PCDH15: variants seen among roughly 807,000 people sequenced by gnomAD.
The protein encoded by PCDH15 is protocadherin-15.
In PCDH15, 129 loss-of-function variants were observed where a neutral mutation model predicts 178.5. The observed-to-expected ratio is 0.72, with a 90% confidence interval of 0.63 to 0.84. The LOEUF (loss-of-function observed/expected upper bound fraction) is 0.84. Among genes scored for constraint, PCDH15 ranks in the 40% least tolerant of loss-of-function variants. PCDH15 has a pLI of 0.00. For missense variants in PCDH15, 2,230 were observed against 2,099.9 expected, an observed-to-expected ratio of 1.06 and a Z score of -1.21; for synonymous variants, 800 against 732.0, an observed-to-expected ratio of 1.09 and a Z score of -1.50.
At chr10:54,796,226 CT>C (rs1269594376) in intron 1 of PCDH15, among the ~76,000 whole-genome samples, 1 of 50,936 alleles carries the variant, frequency 2.0e-5, no homozygotes, top group Admixed American at 2.2e-4. Flanking sequence ...TCTACATTAT[CT>C]ATCTATCTAT....
intron 5 of PCDH15, among the ~76,000 whole-genome samples, chr10:54,346,881 G>A (rs1443477169): frequency 2.0e-5 from 3 of 152,262 alleles, no homozygotes; most frequent in East Asian, 1.9e-4. Flanking sequence ...AACGATTTAC[G>A]AGTGAGCAAT....
chr10:53,984,341 G>T (rs118065137), intron 21 of PCDH15, among the ~76,000 whole-genome samples: 1 of 151,566 alleles, frequency 6.6e-6, no homozygotes, highest in Non-Finnish European at 1.5e-5. Context: ...TAGTAGAGAC[G>T]GAGTTTTACC....
At chr10:54,802,628 CAT>C (rs1036613349), upstream of PCDH15, among the ~76,000 whole-genome samples, 1 of 152,116 alleles carries the variant, frequency 6.6e-6, no homozygotes, top group African/African-American at 2.4e-5. Context: ...TTTATTGATA[CAT>C]GTTTAAATAA....
intron 13 of PCDH15, among the ~76,000 whole-genome samples, chr10:54,153,837 T>C (rs1397634287): frequency 2.0e-5 from 3 of 152,072 alleles, no homozygotes; most frequent in Non-Finnish European, 2.9e-5. Flanking sequence ...GAAAGGTTAT[T>C]AACTTGCACA....
At chr10:55,145,910 T>C (rs1003104567) in intron 2 of PCDH15, among the ~76,000 whole-genome samples, 1 of 151,820 alleles carries the variant, frequency 6.6e-6, no homozygotes, top group Non-Finnish European at 1.5e-5. Flanking sequence ...GACAGAAAAA[T>C]AGACAGATGT....
intron 18 of PCDH15, among the ~76,000 whole-genome samples, chr10:54,043,421 C>T (rs1047039764): frequency 1.3e-5 from 2 of 151,888 alleles, no homozygotes; most frequent in African/African-American, 4.8e-5. Context: ...GAGACAGGGT[C>T]TCACTCCCAT....
chr10:53,948,750 A>G (rs906466660), intron 23 of PCDH15, among the ~76,000 whole-genome samples: 5 of 152,154 alleles, frequency 3.3e-5, no homozygotes, highest in African/African-American at 4.8e-5. Flanking sequence ...ACACCATTCA[A>G]TGTCTTCAAA....
At chr10:55,332,648 GA>G (rs1205145471) in intron 2 of PCDH15, among the ~76,000 whole-genome samples, 18 of 152,128 alleles carry the variant, frequency 1.2e-4, no homozygotes, top group Non-Finnish European at 1.5e-4. Flanking sequence ...TATGTGTTGT[GA>G]AAGGGACCCA....
intron 2 of PCDH15, among the ~76,000 whole-genome samples, chr10:55,402,655 A>C (rs1320717234): frequency 6.6e-6 from 1 of 152,036 alleles, no homozygotes; most frequent in Non-Finnish European, 1.5e-5. Context: ...ACAGGATTTC[A>C]TTAATTTTTA....
intron 2 of PCDH15, among the ~76,000 whole-genome samples, chr10:55,348,685 G>T (rs920512533): frequency 6.6e-6 from 1 of 152,208 alleles, no homozygotes; most frequent in South Asian, 2.1e-4. Context: ...AAAACTTTAA[G>T]GATGTCTGTA....
chr10:54,102,722 G>A (rs1236746047), intron 15 of PCDH15, among the ~76,000 whole-genome samples: 1 of 152,160 alleles, frequency 6.6e-6, no homozygotes, highest in African/African-American at 2.4e-5. Context: ...CAATGTGGGG[G>A]TTCTGCCAGC....
intron 2 of PCDH15, among the ~76,000 whole-genome samples, chr10:55,014,197 GA>G (rs1840116035): frequency 6.6e-6 from 1 of 151,820 alleles, no homozygotes; most frequent in Non-Finnish European, 1.5e-5. Context: ...AATACACCTT[GA>G]AATTTTTTTT....
chr10:55,248,156 C>A (rs1317013323), intron 1 of PCDH15, among the ~76,000 whole-genome samples: 2 of 151,358 alleles, frequency 1.3e-5, no homozygotes, highest in African/African-American at 4.8e-5. Context: ...CCATTTTTTA[C>A]ATAGAGGTAG....
intron 8 of PCDH15, among the ~76,000 whole-genome samples, chr10:54,288,957 C>T (rs1017242244): frequency 2.0e-5 from 3 of 152,246 alleles, no homozygotes; most frequent in Non-Finnish European, 4.4e-5. Flanking sequence ...CAAAAAGCAG[C>T]AGGCAACTTC....
intron 1 of PCDH15, among the ~76,000 whole-genome samples, chr10:54,762,636 A>G (rs1948033768): frequency 6.6e-6 from 1 of 152,118 alleles, no homozygotes; most frequent in Admixed American, 6.5e-5. Context: ...ACCATCTTAC[A>G]TGGTTAAAAC....
intron 2 of PCDH15, among the ~76,000 whole-genome samples, chr10:55,442,455 T>TTATA (rs5785131): frequency 0.068 from 8,256 of 120,930 alleles, 754 homozygotes; most frequent in African/African-American, 0.21. Context: ...CTTAATTTGA[T>TTATA]TATATATATA....
At chr10:55,133,906 G>A (rs958357338) in intron 2 of PCDH15, among the ~76,000 whole-genome samples, 4 of 151,876 alleles carry the variant, frequency 2.6e-5, no homozygotes, top group South Asian at 2.1e-4. Context: ...CTATCCAACC[G>A]GCATCATTAC....
At chr10:55,085,485 T>C (rs1842145877) in intron 2 of PCDH15, among the ~76,000 whole-genome samples, 1 of 151,620 alleles carries the variant, frequency 6.6e-6, no homozygotes, top group Non-Finnish European at 1.5e-5. Flanking sequence ...ACTAAAAGAG[T>C]ATAATTGGAA....
intron 15 of PCDH15, among the ~76,000 whole-genome samples, chr10:54,105,611 CA>C (rs1187099666): frequency 6.6e-6 from 1 of 152,014 alleles, no homozygotes; most frequent in Non-Finnish European, 1.5e-5. Flanking sequence ...AGATGGTGCC[CA>C]CCCAGATTAA....
Sources: allele counts gnomAD v4.1 joint callset (sites outside exome capture counted in the v4.1 genomes callset), GRCh38; gene constraint gnomAD v4.1.1; transcripts MANE v1.5; gene names NCBI Gene and HGNC (gene_info 2026-07-23, HGNC 2026-07-21).